Variants in CLEC1A observed in about 807,000 individuals in gnomAD.
CLEC1A encodes the protein C-type lectin domain family 1 member A.
In CLEC1A, 34 loss-of-function variants were observed where a neutral mutation model predicts 28.7. That is an observed-to-expected ratio of 1.18 (90% CI 0.90 to 1.57). The LOEUF (loss-of-function observed/expected upper bound fraction) is 1.57, where lower values mean the gene tolerates loss of function less well. Among genes scored for constraint, CLEC1A ranks in the 40% most tolerant of loss-of-function variants. The pLI is 0.00. For missense variants in CLEC1A, 385 were observed against 339.5 expected, an observed-to-expected ratio of 1.13 and a Z score of -1.05; for synonymous variants, 116 against 121.0, an observed-to-expected ratio of 0.96 and a Z score of 0.27.
At position 10,098,817 on chromosome 12, in the gene CLEC1A, G is replaced by A. The variant is rs761204461; in HGVS notation, c.106C>T (p.Arg36Trp). 16 of 1,611,520 alleles carry A rather than the reference G, an allele frequency of 9.9e-6. No individual in the cohort carries two copies. Among genetic ancestry groups the A allele is most frequent in the South Asian group, 5.5e-5 (5 of 90,608 alleles). Residue 36 changes from arginine (R) to tryptophan (W), a missense_variant, in exon 1 of 6, where the codon CGG (arginine) becomes TGG (tryptophan). Physicochemically the swap from Arg to Trp is moderately radical, Grantham distance 101. Transcript: ENST00000315330. ...CCAGGAGACAGGGTACCTGTGCGCC[G>A]GGGCTCTGGATGCCGAGTTGTGGCA... is the stretch of plus-strand genomic sequence containing the variant. ...GSATTRHPEPRRTEHRAPSST... is the reference protein window; with the variant it reads ...GSATTRHPEPWRTEHRAPSST...
At chr12:10,089,944 A>C (rs1262940904) in intron 1 of CLEC1A, among the ~76,000 whole-genome samples, 1 of 152,208 alleles carries the variant, frequency 6.6e-6, no homozygotes, top group African/African-American at 2.4e-5. Flanking sequence ...CTCGCCCTCC[A>C]TTCCCATAAG....
At chr12:10,086,957 G>T (rs7975583) in intron 2 of CLEC1A, among the ~76,000 whole-genome samples, 7 of 151,846 alleles carry the variant, frequency 4.6e-5, no homozygotes, top group African/African-American at 1.7e-4. Flanking sequence ...TGCAATCTCA[G>T]GACTTTGGAA....
chr12:10,098,946 T>C lies in CLEC1A; in HGVS notation c.-24A>G, dbSNP rs1397223222. On this transcript the variant is annotated 5_prime_UTR_variant, in exon 1 of 6. Coordinates refer to ENST00000315330, the MANE Select transcript of CLEC1A (RefSeq NM_016511.4). Reference sequence around the variant, plus strand: ...ATCTGGATTCCTACAGCGGTGAGAGTGAAATGTGGTCGGATTGCCCTGGGC... The same window carrying C: ...ATCTGGATTCCTACAGCGGTGAGAGCGAAATGTGGTCGGATTGCCCTGGGC... 6.4e-7 allele frequency: 1 copy of C among 1,570,670 alleles called. No individual in the cohort carries two copies. The highest frequency in any genetic ancestry group is 1.1e-5 in the South Asian group (1 of 88,154).
chr12:10,075,020 A>G (rs1340720553), intron 4 of CLEC1A, among the ~76,000 whole-genome samples: 1 of 152,226 alleles, frequency 6.6e-6, no homozygotes, highest in Non-Finnish European at 1.5e-5. Flanking sequence ...GTCAATTTGT[A>G]GTTTTATTGT....
intron 2 of CLEC1A, among the ~76,000 whole-genome samples, chr12:10,084,003 GA>G (rs71049041): frequency 0.75 from 111,984 of 150,286 alleles, 43,600 homozygotes; most frequent in Non-Finnish European, 0.88. Flanking sequence ...AAAGATAATA[GA>G]AAAAAAAAAA....
intron 1 of CLEC1A, among the ~76,000 whole-genome samples, chr12:10,096,092 A>G (rs1947772963): frequency 6.6e-6 from 1 of 152,010 alleles, no homozygotes; most frequent in Non-Finnish European, 1.5e-5. Context: ...TATTTATTTA[A>G]TTACTATGCC....
chr12:10,096,699 T>A (rs1196495829), intron 1 of CLEC1A, among the ~76,000 whole-genome samples: 1 of 152,128 alleles, frequency 6.6e-6, no homozygotes, highest in Non-Finnish European at 1.5e-5. Context: ...GCCATACATA[T>A]TGCTTATAGT....
intron 3 of CLEC1A, among the ~76,000 whole-genome samples, chr12:10,080,438 T>C (rs558157023): frequency 6.6e-6 from 1 of 152,330 alleles, no homozygotes; most frequent in South Asian, 2.1e-4. Flanking sequence ...TATTTTCTCC[T>C]GCATAGCCAT....
At chr12:10,087,807 G>A (rs1326053537) in intron 2 of CLEC1A, among the ~76,000 whole-genome samples, 2 of 150,936 alleles carry the variant, frequency 1.3e-5, no homozygotes, top group Non-Finnish European at 2.9e-5. Context: ...ACAGGCATGA[G>A]CCACCATTCC....
chr12:10,080,064 T>C (rs1220356159), intron 3 of CLEC1A, among the ~76,000 whole-genome samples: 1 of 152,014 alleles, frequency 6.6e-6, no homozygotes, highest in Non-Finnish European at 1.5e-5. Context: ...ATCCTAGCAC[T>C]TTGGGAGGCT....
intron 3 of CLEC1A, among the ~76,000 whole-genome samples, chr12:10,079,061 T>C (rs956554849): frequency 2.0e-5 from 3 of 152,204 alleles, no homozygotes; most frequent in African/African-American, 7.2e-5. Flanking sequence ...TTACCCAGGC[T>C]CAGGTACTCC....
Position 10,085,383 on chromosome 12 carries a change from T to C in CLEC1A, c.214+3741A>G, listed in dbSNP as rs138739933. ...CAGAATGGATTTCACCAATCAAGTATCTGCTGTCTTCAAAAGACTCACCTA... is the reference window on the plus strand; with the variant it reads ...CAGAATGGATTTCACCAATCAAGTACCTGCTGTCTTCAAAAGACTCACCTA... On this transcript the variant is annotated intron_variant, in intron 2 of 5. Transcript: ENST00000315330. Among the ~76,000 whole-genome samples the C allele has an allele frequency of 2.0e-3, 309 of 152,172 alleles. 5 individuals are homozygous for C. In the East Asian group the frequency reaches 0.036, roughly 18 times the overall value.
At position 10,075,465 on chromosome 12, in the gene CLEC1A, T is replaced by G. The variant is rs753891837; in HGVS notation, c.543+39A>C. 6 of 1,605,502 alleles carry G rather than the reference T, an allele frequency of 3.7e-6. No individual in the cohort carries two copies. The Admixed American group carries it at 5.1e-5, about 14-fold the overall frequency. On this transcript the variant is annotated intron_variant, in intron 4 of 5. Coordinates refer to ENST00000315330, the MANE Select transcript of CLEC1A (RefSeq NM_016511.4). ...TGCCTAATGCTTTTAAGGCCTCTTT[T>G]TGAAATCCTTCAAACATTGAAAAGC... is the stretch of plus-strand genomic sequence containing the variant.
At chr12:10,084,981 G>T (rs1482088229) in intron 2 of CLEC1A, among the ~76,000 whole-genome samples, 3 of 151,990 alleles carry the variant, frequency 2.0e-5, no homozygotes, top group Non-Finnish European at 4.4e-5. Context: ...ACAAAATTTT[G>T]TCAGCCAAGA....
chr12:10,072,634 ATCTCTCTC>A (rs58355839), intron 5 of CLEC1A, among the ~76,000 whole-genome samples: 7 of 148,074 alleles, frequency 4.7e-5, no homozygotes, highest in East Asian at 4.0e-4. Flanking sequence ...TCAGGGAAAG[ATCTCTCTC>A]TCTCTCTCTC....
chr12:10,073,753 G>C (rs1229666997), intron 4 of CLEC1A, among the ~76,000 whole-genome samples: 4 of 152,268 alleles, frequency 2.6e-5, no homozygotes, highest in East Asian at 3.9e-4. Flanking sequence ...AAGAGATGCA[G>C]AATGATTCTG....
intron 1 of CLEC1A, among the ~76,000 whole-genome samples, chr12:10,093,314 G>C (rs1947731890): frequency 6.6e-6 from 1 of 150,840 alleles, no homozygotes; most frequent in African/African-American, 2.4e-5. Flanking sequence ...TGTTTAGAAA[G>C]GGGTGTGGAC....
intron 1 of CLEC1A, among the ~76,000 whole-genome samples, chr12:10,091,541 G>C (rs1489294907): frequency 2.0e-5 from 3 of 151,806 alleles, no homozygotes; most frequent in African/African-American, 7.3e-5. Flanking sequence ...AGGGAGATTT[G>C]CTTCCTCCTG....
intron 5 of CLEC1A, among the ~76,000 whole-genome samples, chr12:10,072,996 C>T (rs1199273389): frequency 5.3e-5 from 8 of 152,244 alleles, no homozygotes; most frequent in African/African-American, 1.7e-4. Flanking sequence ...GAGAGGAGAG[C>T]TTGAGCCTGG....
Sources: gnomAD v4.1 joint callset for allele counts (sites outside exome capture counted in the v4.1 genomes callset) on GRCh38, gnomAD v4.1.1 for gene constraint, MANE v1.5 for transcripts, NCBI Gene and HGNC (gene_info 2026-07-23, HGNC 2026-07-21) for gene names.